The following TBC1D9 variants were observed in gnomAD, a reference collection of about 807,000 sequenced individuals.
The protein encoded by TBC1D9 is TBC1 domain family member 9A.
Under a neutral mutation model 132.0 loss-of-function variants are expected in TBC1D9, and 63 were observed. That is an observed-to-expected ratio of 0.48 (90% CI 0.39 to 0.59). The LOEUF is 0.59. Among genes scored for constraint, TBC1D9 ranks in the 20% least tolerant of loss-of-function variants. The pLI is 0.00. For synonymous variants in TBC1D9, 610 were observed against 609.9 expected (o/e 1.00, Z 0.00); for missense variants, 1,261 against 1,592.7 (o/e 0.79, Z 3.54).
rs542426288 is a variant in TBC1D9 at position 140,671,902 on chromosome 4, T to C, written c.1060-976A>G. Among the ~76,000 whole-genome samples the C allele has an allele frequency of 1.2e-3, 177 of 152,310 alleles. 1 individual carries two copies. The highest frequency in any genetic ancestry group is 4.2e-3 in the African/African-American group (175 of 41,576). On this transcript the variant is annotated intron_variant, in intron 6 of 20. Transcript: ENST00000442267. ...TTTATTTGCAGCAGCTCTGACAATA[T>C]ACTTAAAGCTAAGATCTTTTTTCCC...
At chr4:140,652,793 G>C (rs1737207208) in intron 13 of TBC1D9, among the ~76,000 whole-genome samples, 1 of 152,196 alleles carries the variant, frequency 6.6e-6, no homozygotes, top group Non-Finnish European at 1.5e-5. Flanking sequence ...TAATAAGCCA[G>C]AGACACATTA....
chr4:140,666,734 T>TAAAA (rs35117175), intron 9 of TBC1D9, among the ~76,000 whole-genome samples: 49,515 of 145,138 alleles, frequency 0.34, 9,947 homozygotes, highest in South Asian at 0.47. Context: ...GTGAATATAC[T>TAAAA]AAAAAAAAAA....
chr4:140,628,796 A>G (rs1294798214), intron 16 of TBC1D9, among the ~76,000 whole-genome samples: 1 of 152,242 alleles, frequency 6.6e-6, no homozygotes, highest in African/African-American at 2.4e-5. Flanking sequence ...GAGTTCAGAA[A>G]TAATTTCAAG....
chr4:140,635,342 C>G (rs996720910), intron 15 of TBC1D9, among the ~76,000 whole-genome samples: 3 of 151,954 alleles, frequency 2.0e-5, no homozygotes, highest in Admixed American at 6.5e-5. Context: ...AGTAGCTGGG[C>G]ATGGTGGCAC....
intron 3 of TBC1D9, among the ~76,000 whole-genome samples, chr4:140,683,487 G>A (rs1737736682): frequency 1.3e-5 from 2 of 152,118 alleles, no homozygotes; most frequent in African/African-American, 4.8e-5. Context: ...TTTTCTACAG[G>A]TTTCGCATAA....
Position 140,678,938 on chromosome 4 carries a change from C to A in TBC1D9, c.851+4G>T, listed in dbSNP as rs1737664703. 12 of 1,612,940 alleles carry A rather than the reference C, an allele frequency of 7.4e-6. No individual in the cohort carries two copies. The highest frequency in any genetic ancestry group is 1.0e-5 in the Non-Finnish European group (12 of 1,179,242). ...CTGGAAGATACAAGGTCTCTATCAC[C>A]CACCGTTTTAGAGCAGACACTTTTT... On this transcript the variant is annotated splice_donor_region_variant and intron_variant, in intron 5 of 20. Coordinates refer to ENST00000442267, the MANE Select transcript of TBC1D9 (RefSeq NM_015130.3).
intron 6 of TBC1D9, 120 bp downstream of exon 6, chr4:140,676,774 A>C: frequency 7.4e-7 from 1 of 1,356,626 alleles, no homozygotes; most frequent in South Asian, 1.5e-5. Context: ...GGTGCCACCA[A>C]AGACGCATGA....
chr4:140,664,766 T>C (rs961180301), intron 9 of TBC1D9, among the ~76,000 whole-genome samples: 3 of 152,056 alleles, frequency 2.0e-5, no homozygotes, highest in East Asian at 3.9e-4. Flanking sequence ...TAGATATCCA[T>C]ACGGAAAAGA....
intron 1 of TBC1D9, among the ~76,000 whole-genome samples, chr4:140,721,759 A>G (rs1303989820): frequency 1.3e-5 from 2 of 152,082 alleles, no homozygotes; most frequent in African/African-American, 4.8e-5. Flanking sequence ...CCAAACCCCC[A>G]TCTTCCTGCT....
intron 1 of TBC1D9, among the ~76,000 whole-genome samples, chr4:140,753,987 C>CA (rs1335166123): frequency 6.6e-6 from 1 of 152,178 alleles, no homozygotes; most frequent in Non-Finnish European, 1.5e-5. Flanking sequence ...TTACTCATGA[C>CA]AATGATTTCA....
chr4:140,648,909 GC>G (rs141619502), intron 13 of TBC1D9, among the ~76,000 whole-genome samples: 26,889 of 152,008 alleles, frequency 0.18, 2,907 homozygotes, highest in African/African-American at 0.3. Context: ...ATGTTCTCTG[GC>G]TCCTCCCACC....
intron 6 of TBC1D9, among the ~76,000 whole-genome samples, chr4:140,675,343 G>A (rs1157487086): frequency 6.6e-6 from 1 of 151,996 alleles, no homozygotes; most frequent in Non-Finnish European, 1.5e-5. Flanking sequence ...AGAGAAACCC[G>A]AATCCTTTGC....
intron 15 of TBC1D9, among the ~76,000 whole-genome samples, chr4:140,635,068 G>A (rs113167393): frequency 1.4e-4 from 21 of 152,232 alleles, no homozygotes; most frequent in African/African-American, 4.3e-4. Flanking sequence ...GTTAACTCTG[G>A]GTGGCAGGTG....
intron 2 of TBC1D9, among the ~76,000 whole-genome samples, chr4:140,689,194 G>A (rs1300953361): frequency 6.6e-6 from 1 of 151,982 alleles, no homozygotes; most frequent in Non-Finnish European, 1.5e-5. Flanking sequence ...TCTGAGCCTC[G>A]GCTCAGCCAG....
chr4:140,665,497 A>C (rs747972250), intron 9 of TBC1D9, among the ~76,000 whole-genome samples: 1 of 152,192 alleles, frequency 6.6e-6, no homozygotes, highest in Non-Finnish European at 1.5e-5. Flanking sequence ...GTTCAACATC[A>C]TTATCCTTCA....
chr4:140,727,864 A>C (rs965852757), intron 1 of TBC1D9, among the ~76,000 whole-genome samples: 2 of 151,912 alleles, frequency 1.3e-5, no homozygotes, highest in Admixed American at 1.3e-4. Context: ...CTGCTGGTAA[A>C]CTCCACCTGA....
intron 1 of TBC1D9, among the ~76,000 whole-genome samples, chr4:140,750,080 G>A (rs146052947): frequency 0.017 from 2,530 of 151,002 alleles, 29 homozygotes; most frequent in Middle Eastern, 0.031. Flanking sequence ...AATCAAAAAC[G>A]CTTGGCAAAC....
Position 140,679,638 on chromosome 4 carries a change from T to C in TBC1D9, c.566A>G (p.Tyr189Cys). 11 of 1,613,420 alleles carry C rather than the reference T, an allele frequency of 6.8e-6. No homozygotes were observed. Among genetic ancestry groups the C allele is most frequent in the Non-Finnish European group, 8.5e-6 (10 of 1,179,612 alleles). ...MYLSINHLCF[Y>C]SFLMGREAKL... ...ACCTTCCCTTCCCATAAGAAAAGAA[T>C]AAAAGCAAAGGTGGTTAATGCTGAG... The change falls in exon 4 of 21, where the codon TAT (tyrosine) becomes TGT (cysteine). Residue 189 changes from tyrosine to cysteine, a missense_variant. Physicochemically the swap from Tyr to Cys is radical, Grantham distance 194. Transcript: ENST00000442267.
chr4:140,635,352 C>T (rs556659352), intron 15 of TBC1D9, among the ~76,000 whole-genome samples: 1 of 152,168 alleles, frequency 6.6e-6, no homozygotes, highest in South Asian at 2.1e-4. Context: ...CATGGTGGCA[C>T]ATGCCTGTAG....
Sources: allele counts gnomAD v4.1 joint callset (sites outside exome capture counted in the v4.1 genomes callset), GRCh38; gene constraint gnomAD v4.1.1; transcripts MANE v1.5; gene names NCBI Gene and HGNC (gene_info 2026-07-23, HGNC 2026-07-21).